The following GRIK2 variants were observed in gnomAD, a reference collection of about 807,000 sequenced individuals.
GRIK2 encodes glutamate ionotropic receptor kainate type subunit 2, also known as glutamate receptor ionotropic, kainate 2.
A neutral mutation model predicts 100.3 loss-of-function variants in GRIK2; 32 were observed. The observed-to-expected ratio is 0.32, with a 90% CI of 0.24 to 0.43. The LOEUF is 0.43. Ranked by LOEUF, GRIK2 falls within the 20% of genes least tolerant of loss-of-function variation. The pLI, the probability that GRIK2 is intolerant of heterozygous loss-of-function variation, is 1.00. For missense variants in GRIK2, 843 were observed against 1,114.9 expected (o/e 0.76, Z 3.47); for synonymous variants, 417 against 389.4 (o/e 1.07, Z -0.83).
intron 14 of GRIK2, among the ~76,000 whole-genome samples, chr6:101,998,092 A>T (rs1230154671): frequency 6.6e-6 from 1 of 152,138 alleles, no homozygotes; most frequent in Non-Finnish European, 1.5e-5. Context: ...CCTTGGTAAT[A>T]TGGACCACAC....
intron 2 of GRIK2, among the ~76,000 whole-genome samples, chr6:101,553,561 G>A (rs1776609012): frequency 1.3e-5 from 2 of 152,106 alleles, no homozygotes; most frequent in African/African-American, 4.8e-5. Flanking sequence ...TAAAGTTATA[G>A]CATAAATGAT....
chr6:101,787,244 T>A (rs1201895110), intron 7 of GRIK2, among the ~76,000 whole-genome samples: 2 of 151,920 alleles, frequency 1.3e-5, no homozygotes, highest in Admixed American at 1.3e-4. Flanking sequence ...TTTGTCAATT[T>A]TTTTTAAAGA....
intron 14 of GRIK2, among the ~76,000 whole-genome samples, chr6:101,945,910 G>GTTTT (rs66532199): frequency 2.3e-5 from 3 of 131,432 alleles, no homozygotes; most frequent in Non-Finnish European, 3.3e-5. Flanking sequence ...TCTATCTACT[G>GTTTT]TTTTTTTTTT....
intron 4 of GRIK2, among the ~76,000 whole-genome samples, chr6:101,638,120 G>C (rs551853989): frequency 6.0e-4 from 91 of 151,444 alleles, no homozygotes; most frequent in African/African-American, 2.2e-3. Context: ...TGCTGTCCTG[G>C]TCATGGAAGC....
chr6:101,792,684 T>C (rs1779967171), intron 7 of GRIK2, among the ~76,000 whole-genome samples: 1 of 152,142 alleles, frequency 6.6e-6, no homozygotes, highest in African/African-American at 2.4e-5. Flanking sequence ...CAATTATGTG[T>C]CTTGGAGTTG....
At chr6:101,954,842 T>C (rs576317712) in intron 14 of GRIK2, among the ~76,000 whole-genome samples, 18 of 152,188 alleles carry the variant, frequency 1.2e-4, no homozygotes, top group Non-Finnish European at 2.4e-4. Context: ...GTGTGGATTT[T>C]TCACAGATGC....
intron 1 of GRIK2, among the ~76,000 whole-genome samples, chr6:101,398,036 G>A (rs2852511): frequency 0.18 from 26,930 of 151,744 alleles, 2,567 homozygotes; most frequent in African/African-American, 0.2. Flanking sequence ...AACTCCTAAC[G>A]AAAGCCAAGA....
At chr6:101,480,966 C>T (rs541504976) in intron 2 of GRIK2, among the ~76,000 whole-genome samples, 1 of 152,088 alleles carries the variant, frequency 6.6e-6, no homozygotes, top group South Asian at 2.1e-4. Context: ...AGAGTGTTGA[C>T]AAATGAGAGT....
chr6:102,022,994 A>G (rs372039383), intron 14 of GRIK2, among the ~76,000 whole-genome samples: 4 of 151,694 alleles, frequency 2.6e-5, no homozygotes, highest in African/African-American at 9.6e-5. Flanking sequence ...ATTGAAAAGG[A>G]CAGTGGTGGA....
At chr6:101,846,969 C>G (rs1012223812) in intron 10 of GRIK2, among the ~76,000 whole-genome samples, 1 of 150,764 alleles carries the variant, frequency 6.6e-6, no homozygotes, top group Non-Finnish European at 1.5e-5. Flanking sequence ...CATTGCTTCT[C>G]TCTATTTTTT....
intron 7 of GRIK2, among the ~76,000 whole-genome samples, chr6:101,796,232 T>A (rs1412191213): frequency 6.6e-6 from 1 of 152,190 alleles, no homozygotes; most frequent in Non-Finnish European, 1.5e-5. Context: ...GGATTGCACC[T>A]GAATAATGGT....
At chr6:101,455,379 A>G (rs1457711275) in intron 2 of GRIK2, among the ~76,000 whole-genome samples, 1 of 152,168 alleles carries the variant, frequency 6.6e-6, no homozygotes, top group Non-Finnish European at 1.5e-5. Flanking sequence ...TAGAGTGGGA[A>G]GAGGGAAAAA....
intron 4 of GRIK2, among the ~76,000 whole-genome samples, chr6:101,648,933 C>A (rs1485261549): frequency 6.6e-6 from 1 of 151,988 alleles, no homozygotes; most frequent in African/African-American, 2.4e-5. Context: ...AAAGCTTGTG[C>A]AAGGGAATTC....
intron 2 of GRIK2, among the ~76,000 whole-genome samples, chr6:101,546,436 A>AC (rs1776235812): frequency 1.3e-5 from 2 of 152,142 alleles, no homozygotes; most frequent in Non-Finnish European, 2.9e-5. Context: ...TAAAGATCTC[A>AC]AAAAGGTATT....
At chr6:102,016,564 A>T (rs1795846734) in intron 14 of GRIK2, among the ~76,000 whole-genome samples, 2 of 150,950 alleles carry the variant, frequency 1.3e-5, no homozygotes, top group Admixed American at 6.6e-5. Flanking sequence ...AAAAAAATTC[A>T]AAAAAAATTT....
intron 2 of GRIK2, among the ~76,000 whole-genome samples, chr6:101,493,303 C>T (rs2518239): frequency 0.22 from 33,085 of 151,700 alleles, 3,891 homozygotes; most frequent in African/African-American, 0.3. Flanking sequence ...ATTCCCTAAA[C>T]ACATTACAAT....
rs1247976703 is a variant in GRIK2, at chr6:101,760,622, ATG to A, written c.952-39024_952-39023del. Among the ~76,000 whole-genome samples the A allele has an allele frequency of 5.2e-5, 6 of 114,950 alleles. 1 individual carries two copies. Among genetic ancestry groups the A allele is most frequent in the Admixed American group, 3.4e-4 (3 of 8,810 alleles). The allele number at this position is 114,950 out of a possible 152,430, so 75.4% of individuals were successfully genotyped here. On this transcript the variant is annotated intron_variant, in intron 7 of 16. Transcript: ENST00000369134. ...ATTATATATAATTATATTTAATTAT[ATG>A]TTTAATTATATATAATTATATATAA...
At chr6:101,951,844 C>T (rs1791622392) in intron 14 of GRIK2, among the ~76,000 whole-genome samples, 3 of 152,300 alleles carry the variant, frequency 2.0e-5, no homozygotes, top group Non-Finnish European at 2.9e-5. Flanking sequence ...ACTATGAGTC[C>T]ATTAAACCTC....
rs71028069 is a variant in GRIK2 at position 101,464,497 on chromosome 6, C to CTTTTTTTTTTTTTTTTTTTTTTTTTTTT, written c.115+65116_115+65143dup. Among the ~76,000 whole-genome samples the CTTTTTTTTTTTTTTTTTTTTTTTTTTTT allele has an allele frequency of 3.2e-5, 2 of 62,012 alleles. 1 individual carries two copies. The highest frequency in any genetic ancestry group is 5.9e-5 in the Non-Finnish European group (2 of 33,788). 40.7% of individuals were successfully genotyped at this position (62,012 alleles called of 152,430 possible). Reference sequence around the variant, plus strand: ...TAATTTTTACCTTTTCTTTTTCTTTCTTTTTTTTTTTTTTTTTTTTTTTTT... The same window carrying CTTTTTTTTTTTTTTTTTTTTTTTTTTTT: ...TAATTTTTACCTTTTCTTTTTCTTTCTTTTTTTTTTTTTTTTTTTTTTTTTTTTTTTTTTTTTTTTTTTTTTTTTTTTT... On this transcript the variant is annotated intron_variant, in intron 2 of 16. Coordinates refer to ENST00000369134, the MANE Select transcript of GRIK2 (RefSeq NM_021956.5).
Sources: gnomAD v4.1 joint callset for allele counts (sites outside exome capture counted in the v4.1 genomes callset) on GRCh38, gnomAD v4.1.1 for gene constraint, MANE v1.5 for transcripts, NCBI Gene and HGNC (gene_info 2026-07-23, HGNC 2026-07-21) for gene names.